CDK8: variants seen among roughly 807,000 people sequenced by gnomAD.
CDK8 encodes cyclin-dependent kinase 8.
Under a neutral mutation model 71.5 loss-of-function variants are expected in CDK8, and 29 were observed. The observed-to-expected ratio is 0.41, with a 90% CI of 0.30 to 0.55. The LOEUF (loss-of-function observed/expected upper bound fraction) is 0.55. Ranked by LOEUF, CDK8 falls within the 20% of genes least tolerant of loss-of-function variation. CDK8 has a pLI of 0.37. For synonymous variants in CDK8, 161 were observed against 192.1 expected (o/e 0.84, Z 1.34); for missense variants, 288 against 572.6 (o/e 0.50, Z 5.07).
At chr13:26,314,108 T>C (rs1874405467) in intron 1 of CDK8, among the ~76,000 whole-genome samples, 1 of 152,218 alleles carries the variant, frequency 6.6e-6, no homozygotes. Context: ...GAGGAAAAGA[T>C]CTCTGAGAGC....
rs1204254000 is a variant in CDK8 at position 26,386,079 on chromosome 13, T to C, written c.646+737T>C. On this transcript the variant is annotated intron_variant, in intron 6 of 12. Transcript: ENST00000381527. ...GGACATTTTAATCCACTTTTCTGTT[T>C]TTGATAATATCAGTTACCTCCCTAT... is the stretch of plus-strand genomic sequence containing the variant. Among the ~76,000 whole-genome samples the C allele has an allele frequency of 2.0e-5, 3 of 152,188 alleles. No homozygotes were observed. In the South Asian group the frequency reaches 6.2e-4, roughly 32 times the overall value.
chr13:26,265,325 AT>A (rs1309045320), intron 1 of CDK8, among the ~76,000 whole-genome samples: 3 of 152,192 alleles, frequency 2.0e-5, no homozygotes, highest in Non-Finnish European at 4.4e-5. Flanking sequence ...ATATAGTAGG[AT>A]AAGGGCTGCA....
chr13:26,379,143 A>C (rs1342281258), intron 4 of CDK8, among the ~76,000 whole-genome samples: 1 of 152,228 alleles, frequency 6.6e-6, no homozygotes. Context: ...ATGGAAAGTA[A>C]CATGAGGAGG....
At chr13:26,282,247 T>G (rs1230863344) in intron 1 of CDK8, among the ~76,000 whole-genome samples, 1 of 152,032 alleles carries the variant, frequency 6.6e-6, no homozygotes, top group Admixed American at 6.6e-5. Context: ...AAAAAGATCA[T>G]CACCCACACA....
chr13:26,397,321 C>G (rs932065407), intron 9 of CDK8, 96 bp downstream of exon 9: 6 of 711,872 alleles, frequency 8.4e-6, no homozygotes, highest in Non-Finnish European at 1.5e-5. Context: ...GGTTACTTAG[C>G]TAGCACTCAG....
At chr13:26,334,958 T>C (rs933332468) in intron 1 of CDK8, among the ~76,000 whole-genome samples, 2 of 152,180 alleles carry the variant, frequency 1.3e-5, no homozygotes, top group Non-Finnish European at 2.9e-5. Flanking sequence ...CCTATTACGA[T>C]GGAATAGACG....
intron 2 of CDK8, among the ~76,000 whole-genome samples, chr13:26,339,644 G>A (rs9579001): frequency 0.1 from 15,071 of 146,400 alleles, 2,533 homozygotes; most frequent in African/African-American, 0.35. Flanking sequence ...GGATCAATTC[G>A]AAGAATAATA....
intron 8 of CDK8, among the ~76,000 whole-genome samples, 194 bp from the exon 9 acceptor site, chr13:26,396,959 C>T (rs1876023858): frequency 6.6e-6 from 1 of 151,866 alleles, no homozygotes; most frequent in Non-Finnish European, 1.5e-5. Context: ...TCATCGGTAT[C>T]CTTTCAAAAG....
chr13:26,392,366 C>T (rs1000196289), intron 6 of CDK8, among the ~76,000 whole-genome samples: 11 of 129,826 alleles, frequency 8.5e-5, no homozygotes, highest in African/African-American at 2.7e-4. Flanking sequence ...CTTGCTCTGT[C>T]GCCCAGGCAA....
chr13:26,297,400 G>GACAGTCACT (rs1873607721), intron 1 of CDK8, among the ~76,000 whole-genome samples: 1 of 152,146 alleles, frequency 6.6e-6, no homozygotes, highest in Admixed American at 6.5e-5. Flanking sequence ...ATTAAAGCAT[G>GACAGTCACT]ACAGTCACTA....
chr13:26,276,669 T>C (rs935862933), intron 1 of CDK8, among the ~76,000 whole-genome samples: 3 of 152,232 alleles, frequency 2.0e-5, no homozygotes, highest in African/African-American at 7.2e-5. Flanking sequence ...TGCTTAGTGG[T>C]AGACGATTAT....
chr13:26,369,948 A>T (rs1565989433), intron 4 of CDK8, among the ~76,000 whole-genome samples: 1 of 152,112 alleles, frequency 6.6e-6, no homozygotes, highest in Non-Finnish European at 1.5e-5. Flanking sequence ...TGAACATTTT[A>T]AAATAAAGTA....
At chr13:26,281,318 G>A (rs1167588522) in intron 1 of CDK8, among the ~76,000 whole-genome samples, 1 of 152,218 alleles carries the variant, frequency 6.6e-6, no homozygotes, top group Admixed American at 6.5e-5. Context: ...AGGACTCTAT[G>A]CAGACATTTG....
intron 1 of CDK8, among the ~76,000 whole-genome samples, chr13:26,323,179 G>A (rs192096632): frequency 1.0e-3 from 152 of 152,218 alleles, no homozygotes; most frequent in African/African-American, 3.6e-3. Context: ...GGCTTAAACA[G>A]CACACATTTA....
chr13:26,363,725 A>G (rs1191348810), intron 4 of CDK8, among the ~76,000 whole-genome samples: 6 of 152,028 alleles, frequency 3.9e-5, no homozygotes, highest in African/African-American at 1.5e-4. Context: ...GTTTATTTTA[A>G]TTATACTGGG....
At chr13:26,279,811 T>G (rs116587459) in intron 1 of CDK8, among the ~76,000 whole-genome samples, 220 of 152,354 alleles carry the variant, frequency 1.4e-3, no homozygotes, top group African/African-American at 5.0e-3. Context: ...GGGTGTTATA[T>G]AAATGATATT....
rs767535449 is a variant in CDK8 at position 26,377,261 on chromosome 13, GA to G, written c.457-5551del. On this transcript the variant is annotated intron_variant, in intron 4 of 12. Transcript: ENST00000381527. ...TGCATGCAGGATCTCAGTGAGTCCTGAAGGCACTCTGTTCCTCAGATGCCAG... is the reference window on the plus strand; with the variant it reads ...TGCATGCAGGATCTCAGTGAGTCCTGAGGCACTCTGTTCCTCAGATGCCAG... Among the ~76,000 whole-genome samples the G allele has an allele frequency of 1.2e-3, 182 of 152,330 alleles. 1 individual carries two copies. Among genetic ancestry groups the G allele is most frequent in the Admixed American group, 5.2e-3 (79 of 15,304 alleles).
chr13:26,403,952 C>A lies in CDK8; in HGVS notation c.1270-4C>A. Reference sequence around the variant, plus strand: ...ATCACACTTTTCCCTCATCTCCTTTCCAGCGTTCCAATCCACATGCTGCCT... The same window carrying A: ...ATCACACTTTTCCCTCATCTCCTTTACAGCGTTCCAATCCACATGCTGCCT... On this transcript the variant is annotated splice_polypyrimidine_tract_variant and splice_region_variant and intron_variant, in intron 12 of 12. Transcript: ENST00000381527. 6.2e-7 allele frequency: 1 copy of A among 1,611,230 alleles called. No individual in the cohort carries two copies. The highest frequency in any genetic ancestry group is 8.5e-7 in the Non-Finnish European group (1 of 1,179,892).
intron 4 of CDK8, among the ~76,000 whole-genome samples, chr13:26,358,121 C>T (rs1252641208): frequency 1.3e-5 from 2 of 151,784 alleles, no homozygotes; most frequent in Non-Finnish European, 2.9e-5. Context: ...TGGTGAAACC[C>T]TATCTCTACT....
Sources: allele counts gnomAD v4.1 joint callset (sites outside exome capture counted in the v4.1 genomes callset), GRCh38; gene constraint gnomAD v4.1.1; transcripts MANE v1.5; gene names NCBI Gene and HGNC (gene_info 2026-07-23, HGNC 2026-07-21).